The following ACSL3 variants were observed in gnomAD, a reference collection of about 807,000 sequenced individuals.
ACSL3 encodes acyl-CoA synthetase long chain family member 3.
Under a neutral mutation model 84.7 loss-of-function variants are expected in ACSL3, and 34 were observed. The ratio of observed to expected loss-of-function variants is 0.40; its 90% CI spans 0.31 to 0.53. The LOEUF is 0.53. ACSL3 is among the 20% of genes least tolerant of loss of function. ACSL3 has a pLI of 0.48. For missense variants in ACSL3, 680 were observed against 873.1 expected (o/e 0.78, Z 2.79); for synonymous variants, 315 against 299.4 (o/e 1.05, Z -0.54).
intron 1 of ACSL3, among the ~76,000 whole-genome samples, chr2:222,866,108 C>T (rs1161887841): frequency 6.6e-6 from 1 of 151,924 alleles, no homozygotes; most frequent in African/African-American, 2.4e-5. Flanking sequence ...ATACTGTGGC[C>T]AAATGCTGTT....
chr2:222,866,753 GC>G (rs1237425837), intron 1 of ACSL3, among the ~76,000 whole-genome samples: 1 of 18,716 alleles, frequency 5.3e-5, no homozygotes, highest in Non-Finnish European at 1.3e-4. Context: ...TGCCCCCCCC[GC>G]CCCCCCCCCC....
intron 2 of ACSL3, among the ~76,000 whole-genome samples, chr2:222,898,341 G>A (rs1299247577): frequency 6.6e-6 from 1 of 152,112 alleles, no homozygotes; most frequent in Non-Finnish European, 1.5e-5. Flanking sequence ...TGAGAATTTT[G>A]AAAAATGTGG....
intron 8 of ACSL3, 98 bp downstream of exon 8, chr2:222,921,528 C>T: frequency 8.1e-7 from 1 of 1,227,324 alleles, no homozygotes; most frequent in Non-Finnish European, 1.1e-6. Context: ...AAATTAGTCC[C>T]TCAGAGTCTG....
At position 222,875,307 on chromosome 2, in the gene ACSL3, G is replaced by A. The variant is rs575318928; in HGVS notation, c.-206-12523G>A. On this transcript the variant is annotated intron_variant, in intron 1 of 16. Coordinates refer to ENST00000357430, the MANE Select transcript of ACSL3 (RefSeq NM_004457.5). ...TGATAAAATCAAGAAGATTGGGGAC[G>A]GAAGGAATGGGATTTTTGTTTTTGA... Among the ~76,000 whole-genome samples, 4 of 152,132 alleles carry A rather than the reference G, an allele frequency of 2.6e-5. No homozygotes were observed. The South Asian group carries it at 6.2e-4, about 24-fold the overall frequency.
intron 4 of ACSL3, among the ~76,000 whole-genome samples, chr2:222,911,207 G>A (rs1249966725): frequency 6.6e-6 from 1 of 152,048 alleles, no homozygotes; most frequent in East Asian, 1.9e-4. Flanking sequence ...GCGCCACCAC[G>A]TCCGGCTAAT....
intron 1 of ACSL3, among the ~76,000 whole-genome samples, chr2:222,882,429 C>T (rs1424206051): frequency 6.6e-6 from 1 of 152,112 alleles, no homozygotes; most frequent in African/African-American, 2.4e-5. Context: ...ACTAGGGACC[C>T]AGTTTCGTGG....
chr2:222,882,648 T>C (rs1361257332), intron 1 of ACSL3, among the ~76,000 whole-genome samples: 1 of 152,064 alleles, frequency 6.6e-6, no homozygotes, highest in Admixed American at 6.5e-5. Context: ...TAATACTTGC[T>C]CACCTGCTGT....
chr2:222,943,802 A>G lies in ACSL3; in HGVS notation c.*2148A>G, dbSNP rs754581222. 22 of 151,608 alleles carry G rather than the reference A, an allele frequency of 1.5e-4. No homozygotes were observed. The highest frequency in any genetic ancestry group is 2.6e-4 in the Non-Finnish European group (18 of 67,990). 9.4% of individuals were successfully genotyped at this position (151,608 alleles called of 1,614,324 possible). ...TTCAAGAGGAAAAAACTGTTCAATG[A>G]AAAAACCACTCAATTATGACTCATA... On this transcript the variant is annotated 3_prime_UTR_variant, in exon 17 of 17. Transcript: ENST00000357430.
At chr2:222,908,360 T>C (rs1696352121) in intron 3 of ACSL3, among the ~76,000 whole-genome samples, 1 of 152,166 alleles carries the variant, frequency 6.6e-6, no homozygotes, top group South Asian at 2.1e-4. Flanking sequence ...GATGGATGTG[T>C]TGTATTTGTA....
At chr2:222,866,753 GCCCCCCCCCCCCCCCCCCC>G (rs1237425837) in intron 1 of ACSL3, among the ~76,000 whole-genome samples, 1 of 18,708 alleles carries the variant, frequency 5.3e-5, no homozygotes, top group African/African-American at 1.1e-4. Context: ...TGCCCCCCCC[GCCCCCCCCCCCCCCCCCCC>G]CCCCCGCCCC....
chr2:222,927,279 T>C, intron 12 of ACSL3, 90 bp downstream of exon 12: 7 of 1,347,728 alleles, frequency 5.2e-6, no homozygotes, highest in South Asian at 4.3e-5. Context: ...AGGAGAAGAG[T>C]AGTAAGGTGT....
At chr2:222,928,742 T>C in intron 12 of ACSL3, 120 bp from the exon 13 acceptor site, 2 of 875,654 alleles carry the variant, frequency 2.3e-6, no homozygotes, top group Non-Finnish European at 3.6e-6. Flanking sequence ...ACTTCTGCTT[T>C]TAAGGAATAG....
intron 16 of ACSL3, among the ~76,000 whole-genome samples, chr2:222,941,126 C>T (rs944591521): frequency 3.0e-4 from 46 of 152,166 alleles, no homozygotes; most frequent in African/African-American, 1.0e-3. Context: ...GACAAGGTCT[C>T]GCTATGTTAC....
intron 2 of ACSL3, among the ~76,000 whole-genome samples, chr2:222,894,722 C>T (rs995154310): frequency 3.9e-5 from 6 of 152,126 alleles, no homozygotes; most frequent in African/African-American, 9.7e-5. Flanking sequence ...AGGCATGAAG[C>T]CAGGCATGCC....
rs548341077 is a variant in ACSL3 at position 222,942,393 on chromosome 2, CT to C, written c.*740del. On this transcript the variant is annotated 3_prime_UTR_variant, in exon 17 of 17. Coordinates refer to ENST00000357430, the MANE Select transcript of ACSL3 (RefSeq NM_004457.5). ...TGTAGCACCAGTTGATAATTGGTCTCTAGTAGCTTACTGTCAAAATGTTCAA... is the reference window on the plus strand; with the variant it reads ...TGTAGCACCAGTTGATAATTGGTCTCAGTAGCTTACTGTCAAAATGTTCAA... The C allele has an allele frequency of 3.3e-3, 634 of 192,654 alleles. 1 individual carries two copies. The highest frequency in any genetic ancestry group is 3.0e-3 in the Non-Finnish European group (279 of 92,100). The allele number at this position is 192,654 out of a possible 1,614,324, so 11.9% of individuals were successfully genotyped here.
intron 12 of ACSL3, among the ~76,000 whole-genome samples, chr2:222,927,649 A>G (rs1696917878): frequency 6.6e-6 from 1 of 152,238 alleles, no homozygotes; most frequent in Non-Finnish European, 1.5e-5. Flanking sequence ...TATTATTACC[A>G]GAGTTTATCA....
At chr2:222,866,744 G>C (rs1404828477) in intron 1 of ACSL3, among the ~76,000 whole-genome samples, 5 of 22,724 alleles carry the variant, frequency 2.2e-4, no homozygotes, top group Admixed American at 9.4e-4. Flanking sequence ...AAACTGCCCT[G>C]CCCCCCCCGC....
intron 1 of ACSL3, among the ~76,000 whole-genome samples, chr2:222,862,649 T>C (rs1695042330): frequency 6.6e-6 from 1 of 152,174 alleles, no homozygotes; most frequent in Non-Finnish European, 1.5e-5. Context: ...TGGGGATGAG[T>C]AAGCCTTCTA....
At position 222,927,056 on chromosome 2, in the gene ACSL3, T is replaced by C. The variant is rs773061064; in HGVS notation, c.1332T>C (p.Asn444=). Residue 444 remains asparagine (N), a synonymous_variant, in exon 12 of 17, where the codon AAT becomes AAC. Coordinates refer to ENST00000357430, the MANE Select transcript of ACSL3 (RefSeq NM_004457.5). ...AAGTTCGAAGCTTGCTAGGGGGAAA[T>C]ATTCGTCTCCTGTTGTGTGGTGGCG... ...FRKVRSLLGG[N]IRLLLCGGAP... is the part of the protein sequence containing the mutation. 3.5e-5 allele frequency: 56 copies of C among 1,613,780 alleles called. No homozygotes were observed. The highest frequency in any genetic ancestry group is 2.8e-4 in the Admixed American group (17 of 60,002).
Sources: gnomAD v4.1 joint callset for allele counts (sites outside exome capture counted in the v4.1 genomes callset) on GRCh38, gnomAD v4.1.1 for gene constraint, MANE v1.5 for transcripts, NCBI Gene and HGNC (gene_info 2026-07-23, HGNC 2026-07-21) for gene names.